CCDC120: variants seen among roughly 807,000 people sequenced by gnomAD.
CCDC120 encodes coiled-coil domain-containing protein 120.
CCDC120 carries 16 observed loss-of-function variants against 37.6 expected under a neutral mutation model. That is an observed-to-expected ratio of 0.43 (90% confidence interval 0.29 to 0.65). CCDC120 has a LOEUF of 0.65. CCDC120 is among the 30% of genes least tolerant of loss of function. The probability of loss-of-function intolerance (pLI) is 0.18; values close to 1 mark genes in which losing one functional copy is unlikely to be tolerated. For missense variants in CCDC120, 650 were observed against 657.4 expected, an observed-to-expected ratio of 0.99 and a Z score of 0.12; for synonymous variants, 309 against 275.4, an observed-to-expected ratio of 1.12 and a Z score of -1.21.
At chrX:49,059,559 G>A (rs929965149) in intron 1 of CCDC120, among the ~76,000 whole-genome samples, 14 of 112,502 alleles carry the variant, frequency 1.2e-4, no homozygotes, top group Admixed American at 2.8e-4. Context: ...GGGCTCTGGG[G>A]AGGGTAATGG....
At position 49,067,815 on chromosome X, in the gene CCDC120, T is replaced by C; in HGVS notation, c.1701T>C (p.Pro567=). Residue 567 remains proline, a synonymous_variant, in exon 10 of 11, where the codon CCT becomes CCC. Transcript: ENST00000603986. ...AAEGPEVHPN[P]LLWMPPPTRI... is the part of the protein sequence containing the mutation. ...AAGGCCCTGAGGTGCATCCAAACCC[T>C]CTGCTGTGGATGCCCCCACCCACCC... 1 of 1,188,036 alleles carries C rather than the reference T, an allele frequency of 8.4e-7. No individual in the cohort carries two copies. Among genetic ancestry groups the C allele is most frequent in the South Asian group, 1.8e-5 (1 of 54,117 alleles).
chrX:49,064,973 G>A (rs1173532734), intron 6 of CCDC120, 63 bp from the exon 7 acceptor site: 4 of 1,119,596 alleles, frequency 3.6e-6, no homozygotes, highest in Non-Finnish European at 4.9e-6. Context: ...CCACCCAGTG[G>A]TGTAAGGGGG....
At chrX:49,060,427 C>CAAAAAAAAAAAAAAAAAAAAAAAAAAAA (rs58827125) in intron 1 of CCDC120, among the ~76,000 whole-genome samples, 4 of 42,130 alleles carry the variant, frequency 9.5e-5, no homozygotes, top group African/African-American at 2.4e-4. Context: ...GCCCTATCTC[C>CAAAAAAAAAAAAAAAAAAAAAAAAAAAA]AAAAAAAAAA....
Position 49,069,117 on chromosome X carries a change from G to C in CCDC120, c.*459G>C, listed in dbSNP as rs956403925. On this transcript the variant is annotated 3_prime_UTR_variant, in exon 11 of 11. Transcript: ENST00000603986. ...CCATTTAGGGCAGCCAGGAGACTCC[G>C]GTGTGAACAGAAATCCCTGCCACGC... The C allele has an allele frequency of 1.5e-5, 1 of 66,705 alleles. No individual in the cohort carries two copies. The highest frequency in any genetic ancestry group is 4.8e-5 in the African/African-American group (1 of 20,890). The allele number at this position is 66,705 out of a possible 1,213,427, so 5.5% of individuals were successfully genotyped here. A position where few individuals can be genotyped will look rare whatever the true frequency, so the allele number is the denominator to read the frequency against.
rs781897892 is a variant in CCDC120 at position 49,067,840 on chromosome X, C to G, written c.1726C>G (p.Arg576Gly). 3 of 1,177,709 alleles carry G rather than the reference C, an allele frequency of 2.5e-6. No individual in the cohort carries two copies. Among genetic ancestry groups the G allele is most frequent in the Non-Finnish European group, 3.4e-6 (3 of 877,837 alleles). ...TCTGCTGTGGATGCCCCCACCCACC[C>G]GTATCCCCTCGGCTGGTGAACGCAG... is the stretch of plus-strand genomic sequence containing the variant. ...NPLLWMPPPTRIPSAGERSGH... is the reference protein window; with the variant it reads ...NPLLWMPPPTGIPSAGERSGH... The change falls in exon 10 of 11, where the codon CGT (arginine) becomes GGT (glycine). Residue 576 changes from arginine (R) to glycine (G), a missense_variant. Transcript: ENST00000603986.
intron 9 of CCDC120, 29 bp downstream of exon 9, chrX:49,065,874 G>A: frequency 9.0e-7 from 1 of 1,107,751 alleles, no homozygotes; most frequent in South Asian, 2.0e-5. Context: ...TGGGCTGGAG[G>A]ATCAGAGGGG....
chrX:49,062,411 A>C, intron 3 of CCDC120, 57 bp from the exon 4 acceptor site: 1 of 1,210,884 alleles, frequency 8.3e-7, no homozygotes, highest in Non-Finnish European at 1.1e-6. Flanking sequence ...CCCTTGCCCC[A>C]CAGCTGCTCC....
In CCDC120 at chrX:49,064,733, G is replaced by A. The variant is rs989935409; in HGVS notation, c.724+69G>A. On this transcript the variant is annotated intron_variant, in intron 6 of 10. Coordinates refer to ENST00000603986, the MANE Select transcript of CCDC120 (RefSeq NM_001163321.4). Reference sequence around the variant, plus strand: ...TGGACGTGGTAGGGCTGGGATGGGTGACTGGCCGGTGAAAACCGGGAGGTA... The same window carrying A: ...TGGACGTGGTAGGGCTGGGATGGGTAACTGGCCGGTGAAAACCGGGAGGTA... 9 of 1,080,623 alleles carry A rather than the reference G, an allele frequency of 8.3e-6. No individual in the cohort carries two copies. The Admixed American group carries it at 2.9e-4, about 34-fold the overall frequency. 89.1% of individuals were successfully genotyped at this position (1,080,623 alleles called of 1,213,427 possible).
Position 49,068,526 on chromosome X carries a change from C to T in CCDC120, c.1977-18C>T. The T allele has an allele frequency of 9.0e-7, 1 of 1,105,975 alleles. No individual in the cohort carries two copies. Among genetic ancestry groups the T allele is most frequent in the Non-Finnish European group, 1.2e-6 (1 of 841,382 alleles). The allele number at this position is 1,105,975 out of a possible 1,213,427, so 91.1% of individuals were successfully genotyped here. A position where few individuals can be genotyped will look rare whatever the true frequency, so the allele number is the denominator to read the frequency against. On this transcript the variant is annotated intron_variant, in intron 10 of 10. Transcript: ENST00000603986. The stretch of plus-strand genomic sequence containing the variant: ...CTTCCCCGCCCTGTCCTCCGGATTC[C>T]TGCTACCCCTTCTAAAGATACTACG...
In CCDC120 at chrX:49,065,825, C is replaced by A; in HGVS notation, c.1041C>A (p.Gly347=). Reference sequence around the variant, plus strand: ...CTGCCACCCCTGTCCTCACCCGGGGCGCTGGCCCCCAGCTCTGCAAGTAAG... The same window carrying A: ...CTGCCACCCCTGTCCTCACCCGGGGAGCTGGCCCCCAGCTCTGCAAGTAAG... ...SVPATPVLTR[G]AGPQLCKPEG... The change falls in exon 9 of 11, where the codon GGC becomes GGA. Residue 347 remains glycine, a synonymous_variant. Transcript: ENST00000603986. The A allele has an allele frequency of 8.6e-7, 1 of 1,167,053 alleles. No individual in the cohort carries two copies. The highest frequency in any genetic ancestry group is 2.6e-4 in the Middle Eastern group (1 of 3,788).
chrX:49,061,362 C>T (rs2064883639), intron 1 of CCDC120, among the ~76,000 whole-genome samples: 2 of 111,952 alleles, frequency 1.8e-5, no homozygotes, highest in Non-Finnish European at 3.8e-5. Context: ...ACCCTGGCTC[C>T]ACCGCCTCCT....
chrX:49,069,011 TG>T lies in CCDC120; in HGVS notation c.*356del, dbSNP rs2064991686. ...AAGGGAAACTGTGATCTCATCTGGTTGGGTTCATTCCTGTTCCCATGCCCAA... is the reference window on the plus strand; with the variant it reads ...AAGGGAAACTGTGATCTCATCTGGTTGGTTCATTCCTGTTCCCATGCCCAA... On this transcript the variant is annotated 3_prime_UTR_variant, in exon 11 of 11. Coordinates refer to ENST00000603986, the MANE Select transcript of CCDC120 (RefSeq NM_001163321.4). 1 of 140,282 alleles carries T rather than the reference TG, an allele frequency of 7.1e-6. No individual in the cohort carries two copies. The highest frequency in any genetic ancestry group is 1.4e-5 in the Non-Finnish European group (1 of 71,202). 11.6% of individuals were successfully genotyped at this position (140,282 alleles called of 1,213,427 possible).
In CCDC120 at chrX:49,062,108, G is replaced by A; in HGVS notation, c.63+4G>A. On this transcript the variant is annotated splice_donor_region_variant and intron_variant, in intron 2 of 10. Coordinates refer to ENST00000603986, the MANE Select transcript of CCDC120 (RefSeq NM_001163321.4). ...CATCCACACGGATTCTGAAAGGGCA[G>A]GTCAAGCAGGCACGTGGGGCCCAGG... is the stretch of plus-strand genomic sequence containing the variant. 4 of 1,158,535 alleles carry A rather than the reference G, an allele frequency of 3.5e-6. No homozygotes were observed. Among genetic ancestry groups the A allele is most frequent in the Non-Finnish European group, 4.6e-6 (4 of 873,051 alleles).
chrX:49,060,047 C>T (rs2064866657), intron 1 of CCDC120, among the ~76,000 whole-genome samples: 1 of 112,174 alleles, frequency 8.9e-6, no homozygotes, highest in Non-Finnish European at 1.9e-5. Flanking sequence ...CTAACTATGT[C>T]CCCCCGAGGT....
chrX:49,068,747 C>A lies in CCDC120; in HGVS notation c.*89C>A. On this transcript the variant is annotated 3_prime_UTR_variant, in exon 11 of 11. Coordinates refer to ENST00000603986, the MANE Select transcript of CCDC120 (RefSeq NM_001163321.4). ...CTCGCTGGGCCCTGGGGTGTGGTTG[C>A]TCTCAGTCCTGAGCAGAGTGCGCCA... is the stretch of plus-strand genomic sequence containing the variant. The A allele has an allele frequency of 1.1e-6, 1 of 925,168 alleles. No individual in the cohort carries two copies. The highest frequency in any genetic ancestry group is 1.4e-6 in the Non-Finnish European group (1 of 718,823). The allele number at this position is 925,168 out of a possible 1,213,427, so 76.2% of individuals were successfully genotyped here. A position where few individuals can be genotyped will look rare whatever the true frequency, so the allele number is the denominator to read the frequency against.
Position 49,067,903 on chromosome X carries a change from T to G in CCDC120, c.1789T>G (p.Trp597Gly). ...CCTGGCTCTGGAGGGGCTGCGGGAC[T>G]GGTACATCCGGAACTCGGGACTGGC... Reference protein sequence around the residue: ...KNLALEGLRDWYIRNSGLAAG... With the variant: ...KNLALEGLRDGYIRNSGLAAG... Residue 597 changes from tryptophan (W) to glycine (G), a missense_variant, in exon 10 of 11, where the codon TGG becomes GGG. Around this residue, in one of 3 missense-constraint regions of CCDC120, gnomAD observed 576 missense variants for 565.3 expected, o/e 1.02. Transcript: ENST00000603986. 1 of 1,161,912 alleles carries G rather than the reference T, an allele frequency of 8.6e-7. No individual in the cohort carries two copies. The highest frequency in any genetic ancestry group is 1.2e-6 in the Non-Finnish European group (1 of 868,164).
At position 49,068,614 on chromosome X, in the gene CCDC120, C is replaced by G; in HGVS notation, c.2047C>G (p.Gln683Glu). 2.6e-6 allele frequency: 3 copies of G among 1,158,356 alleles called. No individual in the cohort carries two copies. Among genetic ancestry groups the G allele is most frequent in the Non-Finnish European group, 3.5e-6 (3 of 868,456 alleles). ...AAGTGACCTGACGCTAGAGGGGGAG[C>G]AGTCCTCCAGTTCTGACACCCAGAC... Reference protein sequence around the residue: ...RLSDLTLEGEQSSSSDTQTPG... With the variant: ...RLSDLTLEGEESSSSDTQTPG... The change falls in exon 11 of 11, where the codon CAG (glutamine) becomes GAG (glutamate). Residue 683 changes from glutamine (Q) to glutamate (E), a missense_variant. Physicochemically the swap from Gln to Glu is conservative, Grantham distance 29 (BLOSUM62 2). Transcript: ENST00000603986.
upstream of CCDC120, among the ~76,000 whole-genome samples, chrX:49,056,328 G>C (rs2064829901): frequency 1.8e-5 from 2 of 110,554 alleles, no homozygotes; most frequent in Admixed American, 9.7e-5. Context: ...TACCAGTTCT[G>C]TCTCAAAAAT....
intron 4 of CCDC120, among the ~76,000 whole-genome samples, chrX:49,063,004 C>T (rs944740928): frequency 8.9e-6 from 1 of 111,789 alleles, no homozygotes; most frequent in Non-Finnish European, 1.9e-5. Flanking sequence ...ACCATCCTGG[C>T]TAACACGGTG....
Sources: gnomAD v4.1 joint callset for allele counts (sites outside exome capture counted in the v4.1 genomes callset) on GRCh38, gnomAD v4.1.1 for gene constraint, gnomAD v4.1.1 regional missense constraint, MANE v1.5 for transcripts, NCBI Gene and HGNC (gene_info 2026-07-23, HGNC 2026-07-21) for gene names.